Variants in C6orf118 observed in about 807,000 individuals in gnomAD.
C6orf118 encodes the protein uncharacterized protein C6orf118.
C6orf118 carries 50 observed loss-of-function variants against 50.2 expected under a neutral mutation model. The observed-to-expected ratio is 1.00, with a 90% CI of 0.79 to 1.26. The LOEUF is 1.26. Ranked by LOEUF, C6orf118 falls within the 50% of genes most tolerant of loss-of-function variation. C6orf118 has a pLI of 0.00. For synonymous variants in C6orf118, 239 were observed against 230.9 expected, an observed-to-expected ratio of 1.03 and a Z score of -0.32; for missense variants, 641 against 578.7, an observed-to-expected ratio of 1.11 and a Z score of -1.10.
chr6:165,299,597 T>C, intron 3 of C6orf118, 95 bp from the exon 4 acceptor site: 2 of 864,824 alleles, frequency 2.3e-6, no homozygotes, highest in Non-Finnish European at 3.7e-6. Context: ...TCAAGAATGT[T>C]CATTTAGATC....
intron 2 of C6orf118, among the ~76,000 whole-genome samples, chr6:165,300,951 G>A (rs986162393): frequency 1.3e-5 from 2 of 151,340 alleles, no homozygotes; most frequent in Non-Finnish European, 2.9e-5. Context: ...CTCAGGGCGT[G>A]ACAGTGCCCA....
At chr6:165,281,616 C>T (rs1341134424) in intron 8 of C6orf118, 24 bp downstream of exon 8, 5 of 1,486,834 alleles carry the variant, frequency 3.4e-6, no homozygotes, top group Non-Finnish European at 4.5e-6. Context: ...TATTGATAAA[C>T]ATTGATTCAC....
chr6:165,304,772 GA>G (rs1780665589), intron 1 of C6orf118, among the ~76,000 whole-genome samples: 1 of 86,308 alleles, frequency 1.2e-5, no homozygotes, highest in Non-Finnish European at 2.1e-5. Flanking sequence ...CAAGGGATGT[GA>G]AGGACCTCTT....
chr6:165,291,219 A>G (rs1252990333), intron 6 of C6orf118, among the ~76,000 whole-genome samples: 2 of 152,196 alleles, frequency 1.3e-5, no homozygotes, highest in African/African-American at 2.4e-5. Context: ...GAACAACAAC[A>G]ACAACAAAAA....
chr6:165,293,287 G>C lies in C6orf118; in HGVS notation c.1120+126C>G, dbSNP rs762678314. 20 of 885,728 alleles carry C rather than the reference G, an allele frequency of 2.3e-5. No individual in the cohort carries two copies. The South Asian group carries it at 2.5e-4, about 11-fold the overall frequency. 54.9% of individuals were successfully genotyped at this position (885,728 alleles called of 1,614,324 possible). A position where few individuals can be genotyped will look rare whatever the true frequency, so the allele number is the denominator to read the frequency against. ...ATGTGGGTGAATATGTTGAATTCTC[G>C]CAACAAAACTCAGAGGGAGCATCAG... On this transcript the variant is annotated intron_variant, in intron 6 of 8. Transcript: ENST00000230301.
chr6:165,293,510 C>T (rs1227650372), intron 5 of C6orf118, 39 bp from the exon 6 acceptor site: 2 of 1,539,696 alleles, frequency 1.3e-6, no homozygotes, highest in Admixed American at 1.7e-5. Flanking sequence ...ATATTAGATC[C>T]CCATTATATC....
chr6:165,295,061 C>T (rs187568702), intron 5 of C6orf118, among the ~76,000 whole-genome samples: 159 of 152,188 alleles, frequency 1.0e-3, no homozygotes, highest in African/African-American at 3.4e-3. Flanking sequence ...TTTAATTATA[C>T]GTGAATTGGA....
chr6:165,300,293 T>G, intron 3 of C6orf118, 71 bp downstream of exon 3: 9 of 1,569,666 alleles, frequency 5.7e-6, no homozygotes, highest in Non-Finnish European at 7.8e-6. Flanking sequence ...CAGTGCGGCT[T>G]GAGATCATTC....
At position 165,286,258 on chromosome 6, in the gene C6orf118, T is replaced by A. The variant is rs183874260; in HGVS notation, c.1302+3628A>T. Among the ~76,000 whole-genome samples, 27 of 152,164 alleles carry A rather than the reference T, an allele frequency of 1.8e-4. No homozygotes were observed. In the East Asian group the frequency reaches 5.2e-3, roughly 29 times the overall value. On this transcript the variant is annotated intron_variant, in intron 7 of 8. Coordinates refer to ENST00000230301, the MANE Select transcript of C6orf118 (RefSeq NM_144980.4). ...AGTGAATCCCTGAATAGACCAATAA[T>A]GAGTTCTGAAATTGAAGCAGTAATA...
rs79589332 is a variant in C6orf118 at position 165,297,916 on chromosome 6, G to A, written c.1061+61C>T. ...AATGTAACCGTAGGCTTGTCACAGC[G>A]GTTTCAGACCTTGTTACGGAAGAAT... On this transcript the variant is annotated intron_variant, in intron 5 of 8. Transcript: ENST00000230301. 11,958 of 1,606,920 alleles carry A rather than the reference G, an allele frequency of 7.4e-3. 753 individuals are homozygous for A. The African/African-American group carries it at 0.14, about 19-fold the overall frequency.
intron 1 of C6orf118, among the ~76,000 whole-genome samples, chr6:165,308,393 G>C (rs1341893834): frequency 6.6e-6 from 1 of 152,156 alleles, no homozygotes; most frequent in African/African-American, 2.4e-5. Context: ...AGACTCGCTG[G>C]ATCCCAGGTG....
rs1023992986 is a variant in C6orf118 at position 165,298,039 on chromosome 6, G to T, written c.999C>A (p.Leu333=). The change falls in exon 5 of 9, where the codon CTC becomes CTA. Residue 333 remains leucine (L), a synonymous_variant. Transcript: ENST00000230301. ...CGAGCATCCTCAGCTCTTCCCTGGC[G>T]AGATCCATGTCCGCCGTCTTCACCG... ...QRPVKTADMD[L]AREELRMLVT... is the part of the protein sequence containing the mutation. 1.2e-6 allele frequency: 2 copies of T among 1,613,708 alleles called. No homozygotes were observed. The highest frequency in any genetic ancestry group is 1.7e-6 in the Non-Finnish European group (2 of 1,179,900).
At chr6:165,300,763 G>A (rs532052316) in intron 2 of C6orf118, among the ~76,000 whole-genome samples, 52 of 151,984 alleles carry the variant, frequency 3.4e-4, no homozygotes, top group Non-Finnish European at 5.7e-4. Context: ...CGCCTCCACA[G>A]TCCCCAAAGG....
chr6:165,301,793 G>T lies in C6orf118; in HGVS notation c.529C>A (p.Leu177Ile). ...AGCACCTTCAAGTCGGGCAGCCGGA[G>T]TTCTTCCCTCCTGCGCCATCCAGGA... ...GPPGWRRREE[L>I]RLPDLKVLCY... is the part of the protein sequence containing the mutation. Residue 177 changes from leucine to isoleucine, a missense_variant, in exon 2 of 9, where the codon CTC becomes ATC. By Grantham distance (5) the Leu-to-Ile change is conservative (BLOSUM62 2). Transcript: ENST00000230301. The T allele has an allele frequency of 5.0e-6, 8 of 1,614,060 alleles. No homozygotes were observed. The highest frequency in any genetic ancestry group is 6.8e-6 in the Non-Finnish European group (8 of 1,180,004).
intron 5 of C6orf118, 148 bp downstream of exon 5, chr6:165,297,829 A>C: frequency 1.7e-6 from 2 of 1,175,236 alleles, no homozygotes; most frequent in Non-Finnish European, 1.2e-6. Context: ...TGGCCTGTAG[A>C]AATAGCCAGA....
intron 1 of C6orf118, 110 bp from the exon 2 acceptor site, chr6:165,302,406 G>C: frequency 7.6e-7 from 1 of 1,317,006 alleles, no homozygotes; most frequent in South Asian, 1.4e-5. Flanking sequence ...GGTCTATGGA[G>C]AAACAGACGA....
chr6:165,283,462 G>C (rs769311881), intron 7 of C6orf118, among the ~76,000 whole-genome samples: 1 of 152,208 alleles, frequency 6.6e-6, no homozygotes, highest in East Asian at 1.9e-4. Flanking sequence ...CCCAAGCGCA[G>C]TGCACCTGCT....
Position 165,279,965 on chromosome 6 carries a change from A to G in C6orf118, c.*92T>C. On this transcript the variant is annotated 3_prime_UTR_variant, in exon 9 of 9. Transcript: ENST00000230301. ...GATTAAAGCTGATGAAATGAAATGTATCTTTATGAATGTATATGCATCTGC... is the reference window on the plus strand; with the variant it reads ...GATTAAAGCTGATGAAATGAAATGTGTCTTTATGAATGTATATGCATCTGC... 8.0e-7 allele frequency: 1 copy of G among 1,254,264 alleles called. No homozygotes were observed. The highest frequency in any genetic ancestry group is 1.1e-6 in the Non-Finnish European group (1 of 898,390). 77.7% of individuals were successfully genotyped at this position (1,254,264 alleles called of 1,614,324 possible). A position where few individuals can be genotyped will look rare whatever the true frequency, so the allele number is the denominator to read the frequency against.
chr6:165,288,627 C>CT (rs377377729), intron 7 of C6orf118, among the ~76,000 whole-genome samples: 85 of 152,220 alleles, frequency 5.6e-4, no homozygotes, highest in Middle Eastern at 3.4e-3. Context: ...AGAGCATGTC[C>CT]TTTGCAGGGG....
Sources: allele counts gnomAD v4.1 joint callset (sites outside exome capture counted in the v4.1 genomes callset), GRCh38; gene constraint gnomAD v4.1.1; transcripts MANE v1.5; gene names NCBI Gene and HGNC (gene_info 2026-07-23, HGNC 2026-07-21).